The following ARV1 variants were observed in gnomAD, a reference collection of about 807,000 sequenced individuals.
ARV1 encodes the protein ARV1 fatty acid homeostasis modulator.
ARV1 carries 26 observed loss-of-function variants against 31.1 expected under a neutral mutation model. The ratio of observed to expected loss-of-function variants is 0.84; its 90% CI spans 0.61 to 1.16. The LOEUF (loss-of-function observed/expected upper bound fraction) is 1.16. ARV1 is among the 50% of genes most tolerant of loss of function. The pLI is 0.00. For missense variants in ARV1, 281 were observed against 324.9 expected, an observed-to-expected ratio of 0.86 and a Z score of 1.04; for synonymous variants, 117 against 123.2, an observed-to-expected ratio of 0.95 and a Z score of 0.34.
Position 230,988,355 on chromosome 1 carries a change from G to A in ARV1, c.210G>A (p.Glu70=). The part of the protein sequence containing the change: ...SCQKPVDKYI[E]YDPVIILINA... ...AGAAACCTGTAGACAAATATATCGA[G>A]TATGATCCTGTTATCATCTTGATTA... Residue 70 remains glutamate (E), a synonymous_variant, in exon 2 of 6, where the codon GAG becomes GAA. Transcript: ENST00000310256. 6.3e-7 allele frequency: 1 copy of A among 1,595,438 alleles called. No individual in the cohort carries two copies. The highest frequency in any genetic ancestry group is 8.6e-7 in the Non-Finnish European group (1 of 1,165,224).
At chr1:230,983,448 A>G (rs1352457984) in intron 1 of ARV1, among the ~76,000 whole-genome samples, 3 of 151,744 alleles carry the variant, frequency 2.0e-5, no homozygotes, top group Non-Finnish European at 4.4e-5. Context: ...TATTTGCTAT[A>G]GGGCTTGGCT....
intron 1 of ARV1, among the ~76,000 whole-genome samples, chr1:230,983,763 A>G (rs981432921): frequency 5.3e-5 from 8 of 152,250 alleles, no homozygotes; most frequent in African/African-American, 1.2e-4. Context: ...AGAACACAGC[A>G]GGACAGAGGA....
intron 3 of ARV1, among the ~76,000 whole-genome samples, chr1:230,994,044 T>C (rs1457030003): frequency 6.6e-6 from 1 of 152,194 alleles, no homozygotes; most frequent in South Asian, 2.1e-4. Flanking sequence ...GATGCATAGA[T>C]TTTCCCGAAG....
chr1:230,979,130 C>A lies in ARV1; in HGVS notation c.25C>A (p.Leu9Met). ...AATGGGCAACGGCGGGCGGAGCGGC[C>A]TGCAGCAGGGGAAGGGGAACGTGGA... MGNGGRSG[L>M]QQGKGNVDGV... Residue 9 changes from leucine (L) to methionine (M), a missense_variant, in exon 1 of 6, where the codon CTG becomes ATG. By Grantham distance (15) the Leu-to-Met change is conservative. Transcript: ENST00000310256. 3.1e-6 allele frequency: 5 copies of A among 1,607,338 alleles called. No homozygotes were observed. The highest frequency in any genetic ancestry group is 4.2e-6 in the Non-Finnish European group (5 of 1,177,978).
intron 1 of ARV1, among the ~76,000 whole-genome samples, chr1:230,979,997 G>A (rs1678809143): frequency 6.6e-6 from 1 of 152,128 alleles, no homozygotes; most frequent in African/African-American, 2.4e-5. Flanking sequence ...TCACAGAATA[G>A]ACAGTACATT....
At chr1:230,979,355 CTCTGATACAG>C in intron 1 of ARV1, 76 bp downstream of exon 1, 1 of 1,524,182 alleles carries the variant, frequency 6.6e-7, no homozygotes, top group South Asian at 1.1e-5. Context: ...GAGCAGGGTC[CTCTGATACAG>C]TCTTTAGTTC....
chr1:230,998,468 G>A (rs1038154756), intron 5 of ARV1, among the ~76,000 whole-genome samples: 2 of 152,106 alleles, frequency 1.3e-5, no homozygotes, highest in African/African-American at 4.8e-5. Context: ...CCTCTCTCCT[G>A]TATAGCAGCT....
chr1:230,988,419 C>G lies in ARV1; in HGVS notation c.274C>G (p.Leu92Val). Reference protein sequence around the residue: ...LCKAQAYRHILFNTQINIHGK... With the variant: ...LCKAQAYRHIVFNTQINIHGK... ...CAAAGCTCAGGCCTACAGACATATT[C>G]TTTTCAATACTCAAATAAATGTAAG... Residue 92 changes from leucine to valine, a missense_variant, in exon 2 of 6, where the codon CTT becomes GTT. Transcript: ENST00000310256. 1 of 1,563,082 alleles carries G rather than the reference C, an allele frequency of 6.4e-7. No homozygotes were observed. Among genetic ancestry groups the G allele is most frequent in the Non-Finnish European group, 8.7e-7 (1 of 1,151,454 alleles).
chr1:230,982,407 C>CT (rs1678934082), intron 1 of ARV1, among the ~76,000 whole-genome samples: 1 of 152,204 alleles, frequency 6.6e-6, no homozygotes, highest in Non-Finnish European at 1.5e-5. Context: ...CAAAAAATCT[C>CT]TTTTTGTTGG....
chr1:230,983,798 G>A (rs1678978201), intron 1 of ARV1, among the ~76,000 whole-genome samples: 1 of 152,258 alleles, frequency 6.6e-6, no homozygotes. Context: ...TTAGACAGGT[G>A]ATGGAAGCAG....
chr1:230,984,429 G>A (rs1326968083), intron 1 of ARV1, among the ~76,000 whole-genome samples: 2 of 148,680 alleles, frequency 1.3e-5, no homozygotes, highest in Non-Finnish European at 3.0e-5. Flanking sequence ...TCAAGGTGAA[G>A]GCAGAGGGAA....
chr1:230,990,406 A>G, intron 3 of ARV1, 143 bp downstream of exon 3: 1 of 1,077,874 alleles, frequency 9.3e-7, no homozygotes, highest in East Asian at 2.4e-5. Context: ...CTCTACCACT[A>G]CTAACCTACG....
intron 5 of ARV1, among the ~76,000 whole-genome samples, chr1:230,998,047 G>A (rs111880083): frequency 5.9e-5 from 9 of 152,274 alleles, no homozygotes; most frequent in East Asian, 1.9e-4. Context: ...ACGTCAGTTC[G>A]TCTTCGGTCT....
At position 230,988,747 on chromosome 1, in the gene ARV1, A is replaced by T. The variant is rs555994901; in HGVS notation, c.294+308A>T. On this transcript the variant is annotated intron_variant, in intron 2 of 5. Transcript: ENST00000310256. ...CTGGTTTTTAACAGAATACAATTAG[A>T]CATATCCAGGTAGGGAGAGAATTAT... is the stretch of plus-strand genomic sequence containing the variant. Among the ~76,000 whole-genome samples the T allele has an allele frequency of 6.6e-5, 10 of 152,336 alleles. No individual in the cohort carries two copies. In the South Asian group the frequency reaches 2.1e-3, roughly 32 times the overall value.
At chr1:230,991,580 A>G (rs562213013) in intron 3 of ARV1, among the ~76,000 whole-genome samples, 81 of 151,110 alleles carry the variant, frequency 5.4e-4, no homozygotes, top group African/African-American at 1.9e-3. Context: ...TTGATACCCC[A>G]TAGTCAGGTC....
chr1:230,992,196 C>T (rs1473934936), intron 3 of ARV1, among the ~76,000 whole-genome samples: 1 of 152,186 alleles, frequency 6.6e-6, no homozygotes, highest in African/African-American at 2.4e-5. Context: ...GAATCTGCCC[C>T]TCCCACTGCG....
chr1:230,985,461 C>G (rs1236062322), intron 1 of ARV1, among the ~76,000 whole-genome samples: 1 of 152,158 alleles, frequency 6.6e-6, no homozygotes, highest in Admixed American at 6.6e-5. Flanking sequence ...GTTCCTGGTC[C>G]ATAAAATGGC....
intron 1 of ARV1, among the ~76,000 whole-genome samples, chr1:230,986,810 C>T (rs7531941): frequency 0.33 from 49,683 of 150,342 alleles, 8,426 homozygotes; most frequent in Middle Eastern, 0.58. Flanking sequence ...GTGCTGGTAT[C>T]ACAGATGTGA....
chr1:230,982,730 C>G (rs1300135347), intron 1 of ARV1, among the ~76,000 whole-genome samples: 1 of 152,166 alleles, frequency 6.6e-6, no homozygotes, highest in East Asian at 1.9e-4. Context: ...CAGGGAAAAT[C>G]ATTTTGTTGA....
Sources: gnomAD v4.1 joint callset for allele counts (sites outside exome capture counted in the v4.1 genomes callset) on GRCh38, gnomAD v4.1.1 for gene constraint, MANE v1.5 for transcripts, NCBI Gene and HGNC (gene_info 2026-07-23, HGNC 2026-07-21) for gene names.